The following ENDOD1 variants were observed in gnomAD, a reference collection of about 807,000 sequenced individuals.
ENDOD1 encodes the protein endonuclease domain-containing 1 protein.
In ENDOD1, 9 loss-of-function variants were observed where a neutral mutation model predicts 6.5. The observed-to-expected ratio is 1.39, with a 90% CI of 0.84 to 2.43. The LOEUF is 2.43. Among genes scored for constraint, ENDOD1 ranks in the 30% most tolerant of loss-of-function variants. The pLI is 0.00. For synonymous variants in ENDOD1, 255 were observed against 255.2 expected, an observed-to-expected ratio of 1.00 and a Z score of 0.01; for missense variants, 648 against 635.5, an observed-to-expected ratio of 1.02 and a Z score of -0.21.
chr11:95,091,591 A>AG (rs1858931851), intron 1 of ENDOD1, among the ~76,000 whole-genome samples: 2 of 152,346 alleles, frequency 1.3e-5, no homozygotes, highest in South Asian at 4.1e-4. Context: ...TGCGAAGAAA[A>AG]CAAATGAGCT....
At position 95,132,534 on chromosome 11, in the gene ENDOD1, A is replaced by G. The variant is rs545000600; in HGVS notation, c.*2955A>G. On this transcript the variant is annotated 3_prime_UTR_variant, in exon 2 of 2. Coordinates refer to ENST00000278505, the MANE Select transcript of ENDOD1 (RefSeq NM_015036.3). ...ACAGAGGAAGAAAAACCACGAAACC[A>G]TGGAAATTAGGGAAGCCTTTACAGA... is the stretch of plus-strand genomic sequence containing the variant. 1.3e-5 allele frequency: 2 copies of G among 152,340 alleles called. No homozygotes were observed. The highest frequency in any genetic ancestry group is 2.9e-5 in the Non-Finnish European group (2 of 68,038). 9.4% of individuals were successfully genotyped at this position (152,340 alleles called of 1,614,324 possible).
At chr11:95,108,796 T>C (rs1555111669) in intron 1 of ENDOD1, among the ~76,000 whole-genome samples, 1 of 152,122 alleles carries the variant, frequency 6.6e-6, no homozygotes, top group Admixed American at 6.5e-5. Flanking sequence ...GTATTTCCCA[T>C]GGTAAGTAGG....
intron 1 of ENDOD1, among the ~76,000 whole-genome samples, chr11:95,103,100 G>GTGTGT (rs1555111075): frequency 0.054 from 4,593 of 85,544 alleles, 104 homozygotes; most frequent in South Asian, 0.12. Flanking sequence ...AGGCAGAGTG[G>GTGTGT]GTGTGTGTGT....
chr11:95,106,406 C>T (rs1859089672), intron 1 of ENDOD1, among the ~76,000 whole-genome samples: 1 of 152,102 alleles, frequency 6.6e-6, no homozygotes, highest in Non-Finnish European at 1.5e-5. Flanking sequence ...GGGGATTGAC[C>T]TATTCTGGTT....
chr11:95,098,255 G>T (rs1432007223), intron 1 of ENDOD1, among the ~76,000 whole-genome samples: 1 of 152,118 alleles, frequency 6.6e-6, no homozygotes, highest in Non-Finnish European at 1.5e-5. Flanking sequence ...CAGTTCTAGA[G>T]ATCTGCTGTA....
intron 1 of ENDOD1, among the ~76,000 whole-genome samples, chr11:95,111,296 A>T (rs527874205): frequency 2.0e-5 from 3 of 152,164 alleles, no homozygotes; most frequent in Non-Finnish European, 4.4e-5. Context: ...GCTCTAGAGT[A>T]GAAGTCCCCA....
Position 95,132,510 on chromosome 11 carries a change from CAG to C in ENDOD1, c.*2934_*2935del, listed in dbSNP as rs1565451128. Reference sequence around the variant, plus strand: ...GGTACTAATAACATGTTCCTTGGAACAGAGGAAGAAAAACCACGAAACCATGG... The same window carrying C: ...GGTACTAATAACATGTTCCTTGGAACAGGAAGAAAAACCACGAAACCATGG... On this transcript the variant is annotated 3_prime_UTR_variant, in exon 2 of 2. Transcript: ENST00000278505. The C allele has an allele frequency of 7.7e-6, 1 of 130,486 alleles. No homozygotes were observed. Among genetic ancestry groups the C allele is most frequent in the African/African-American group, 2.8e-5 (1 of 35,584 alleles). The allele number at this position is 130,486 out of a possible 1,614,324, so 8.1% of individuals were successfully genotyped here. A position where few individuals can be genotyped will look rare whatever the true frequency, so the allele number is the denominator to read the frequency against.
At chr11:95,128,297 A>C in intron 1 of ENDOD1, 80 bp from the exon 2 acceptor site, 1 of 1,509,526 alleles carries the variant, frequency 6.6e-7, no homozygotes, top group Non-Finnish European at 8.9e-7. Context: ...GGACTTCTCC[A>C]GAGTCTGGGC....
At chr11:95,114,436 TC>T (rs1859183084) in intron 1 of ENDOD1, among the ~76,000 whole-genome samples, 2 of 152,258 alleles carry the variant, frequency 1.3e-5, no homozygotes, top group African/African-American at 4.8e-5. Context: ...AAATATTTTA[TC>T]CCATACTGTG....
At position 95,132,255 on chromosome 11, in the gene ENDOD1, T is replaced by A. The variant is rs1859377970; in HGVS notation, c.*2676T>A. 6.6e-6 allele frequency: 1 copy of A among 152,650 alleles called. No homozygotes were observed. Among genetic ancestry groups the A allele is most frequent in the Non-Finnish European group, 1.5e-5 (1 of 68,052 alleles). The allele number at this position is 152,650 out of a possible 1,614,324, so 9.5% of individuals were successfully genotyped here. A position where few individuals can be genotyped will look rare whatever the true frequency, so the allele number is the denominator to read the frequency against. Reference sequence around the variant, plus strand: ...TGCCTTTTGAATGTTGTCTTCTCACTCAGCATCAGCACTTCGATCTAAATG... The same window carrying A: ...TGCCTTTTGAATGTTGTCTTCTCACACAGCATCAGCACTTCGATCTAAATG... On this transcript the variant is annotated 3_prime_UTR_variant, in exon 2 of 2. Coordinates refer to ENST00000278505, the MANE Select transcript of ENDOD1 (RefSeq NM_015036.3).
intron 1 of ENDOD1, among the ~76,000 whole-genome samples, chr11:95,122,273 AG>A (rs1859268676): frequency 2.0e-5 from 3 of 152,076 alleles, no homozygotes; most frequent in African/African-American, 7.2e-5. Context: ...CCCAGGCTGG[AG>A]TACAATGGCA....
intron 1 of ENDOD1, among the ~76,000 whole-genome samples, chr11:95,110,528 TG>T (rs548933202): frequency 6.6e-6 from 1 of 152,114 alleles, no homozygotes; most frequent in Admixed American, 6.5e-5. Context: ...CCTGGTACAC[TG>T]GGTTCCCTTC....
chr11:95,113,020 C>CT (rs560876736), intron 1 of ENDOD1, among the ~76,000 whole-genome samples: 6,368 of 141,678 alleles, frequency 0.045, 163 homozygotes, highest in African/African-American at 0.054. Context: ...ATTACTGAAG[C>CT]TTTTTTTTTT....
At chr11:95,107,723 C>T (rs1591013759) in intron 1 of ENDOD1, among the ~76,000 whole-genome samples, 1 of 151,902 alleles carries the variant, frequency 6.6e-6, no homozygotes. Flanking sequence ...TGCAGTGGCG[C>T]GATCTCGGCT....
chr11:95,100,998 T>A (rs1017741561), intron 1 of ENDOD1, among the ~76,000 whole-genome samples: 2 of 151,162 alleles, frequency 1.3e-5, no homozygotes, highest in Non-Finnish European at 2.9e-5. Context: ...GTGTGACTAA[T>A]TGAGTGGCAC....
chr11:95,091,088 C>T (rs1390081160), intron 1 of ENDOD1, among the ~76,000 whole-genome samples: 2 of 152,106 alleles, frequency 1.3e-5, no homozygotes, highest in Non-Finnish European at 2.9e-5. Flanking sequence ...CTTGAGAAGC[C>T]CTCAGAGTCT....
intron 1 of ENDOD1, among the ~76,000 whole-genome samples, chr11:95,104,132 T>G (rs1859067623): frequency 6.6e-6 from 1 of 152,234 alleles, no homozygotes; most frequent in Non-Finnish European, 1.5e-5. Flanking sequence ...CCCTCTGATC[T>G]GCTCCCAGAC....
At chr11:95,092,796 C>G (rs782518673) in intron 1 of ENDOD1, among the ~76,000 whole-genome samples, 7 of 152,214 alleles carry the variant, frequency 4.6e-5, no homozygotes, top group Non-Finnish European at 8.8e-5. Flanking sequence ...GGCCCTGCCT[C>G]CCAGCCAAGA....
chr11:95,117,053 G>T (rs1208403979), intron 1 of ENDOD1, among the ~76,000 whole-genome samples: 2 of 152,200 alleles, frequency 1.3e-5, no homozygotes, highest in African/African-American at 4.8e-5. Context: ...TGCTGAAAGT[G>T]GTGTGTAGAA....
Sources: gnomAD v4.1 joint callset for allele counts (sites outside exome capture counted in the v4.1 genomes callset) on GRCh38, gnomAD v4.1.1 for gene constraint, MANE v1.5 for transcripts, NCBI Gene and HGNC (gene_info 2026-07-23, HGNC 2026-07-21) for gene names.